The following WDFY3 variants were observed in gnomAD, a reference collection of about 807,000 sequenced individuals.
The protein encoded by WDFY3 is WD repeat and FYVE domain-containing protein 3.
A neutral mutation model predicts 409.6 loss-of-function variants in WDFY3; 66 were observed. The observed-to-expected ratio is 0.16, with a 90% CI of 0.13 to 0.20. The LOEUF (loss-of-function observed/expected upper bound fraction) is 0.20. WDFY3 is among the 10% of genes least tolerant of loss of function. WDFY3 has a pLI of 1.00. For missense variants in WDFY3, 3,031 were observed against 4,298.1 expected, an observed-to-expected ratio of 0.71 and a Z score of 8.24; for synonymous variants, 1,521 against 1,537.1, an observed-to-expected ratio of 0.99 and a Z score of 0.25.
At chr4:84,802,671 A>G (rs1404079280) in intron 16 of WDFY3, among the ~76,000 whole-genome samples, 2 of 152,132 alleles carry the variant, frequency 1.3e-5, no homozygotes, top group Non-Finnish European at 2.9e-5. Flanking sequence ...TTAGGCAAAC[A>G]TGTCCTATTT....
chr4:84,841,515 A>G lies in WDFY3; in HGVS notation c.305-252T>C, dbSNP rs147710577. On this transcript the variant is annotated intron_variant, in intron 5 of 67. Coordinates refer to ENST00000295888, the MANE Select transcript of WDFY3 (RefSeq NM_014991.6). ...GACAGGAGCTAATCAAAAAGTCATG[A>G]AAGAGGTGAAATTTGAGCTAAAACT... Among the ~76,000 whole-genome samples, 995 of 152,308 alleles carry G rather than the reference A, an allele frequency of 6.5e-3. 8 individuals carry two copies. The highest frequency in any genetic ancestry group is 0.023 in the African/African-American group (936 of 41,550).
chr4:84,807,802 T>G (rs1022343060), intron 15 of WDFY3, among the ~76,000 whole-genome samples: 1 of 152,140 alleles, frequency 6.6e-6, no homozygotes, highest in Non-Finnish European at 1.5e-5. Flanking sequence ...TTTACTAACT[T>G]TTTCAAAGCT....
At chr4:84,734,422 T>C (rs911293049) in intron 43 of WDFY3, among the ~76,000 whole-genome samples, 2 of 152,212 alleles carry the variant, frequency 1.3e-5, no homozygotes, top group Non-Finnish European at 2.9e-5. Flanking sequence ...ATATGTTCTT[T>C]GGTTGGGGAA....
At chr4:84,830,029 TAAAG>T (rs1755470903) in intron 8 of WDFY3, among the ~76,000 whole-genome samples, 1 of 152,116 alleles carries the variant, frequency 6.6e-6, no homozygotes, top group Non-Finnish European at 1.5e-5. Context: ...TGTATTTGTA[TAAAG>T]AAACTCACTG....
At chr4:84,809,170 T>G (rs1461656240) in intron 14 of WDFY3, 1 of 152,202 alleles carries the variant, frequency 6.6e-6, no homozygotes, top group Non-Finnish European at 1.5e-5. Context: ...AAATAAGTGA[T>G]CTAGATGAAG....
chr4:84,960,122 T>A (rs1420502206), intron 1 of WDFY3, among the ~76,000 whole-genome samples: 1 of 152,184 alleles, frequency 6.6e-6, no homozygotes, highest in East Asian at 1.9e-4. Flanking sequence ...TGAGATTGGG[T>A]AGGGGCAATA....
chr4:84,816,914 CTTAAT>C (rs1380079053), intron 13 of WDFY3, among the ~76,000 whole-genome samples: 1 of 152,052 alleles, frequency 6.6e-6, no homozygotes, highest in Non-Finnish European at 1.5e-5. Context: ...CAGGGTGCTA[CTTAAT>C]TTATAGTATT....
At chr4:84,716,731 G>A (rs1476563445) in intron 49 of WDFY3, among the ~76,000 whole-genome samples, 165 bp downstream of exon 49, 1 of 151,784 alleles carries the variant, frequency 6.6e-6, no homozygotes, top group African/African-American at 2.4e-5. Flanking sequence ...CCCGGGAGGC[G>A]GAGGTTGCAG....
intron 16 of WDFY3, among the ~76,000 whole-genome samples, chr4:84,802,803 G>A (rs1750841063): frequency 6.6e-6 from 1 of 152,100 alleles, no homozygotes. Context: ...TCTTCTTAAT[G>A]GTGGGCAGAT....
intron 36 of WDFY3, chr4:84,751,239 C>T (rs1032165222): frequency 4.7e-5 from 25 of 537,216 alleles, no homozygotes; most frequent in African/African-American, 3.0e-4. Flanking sequence ...AGAAGAAGTT[C>T]GCCAGCTCTT....
intron 3 of WDFY3, among the ~76,000 whole-genome samples, chr4:84,862,397 G>T (rs896868121): frequency 6.6e-6 from 1 of 152,178 alleles, no homozygotes; most frequent in Non-Finnish European, 1.5e-5. Flanking sequence ...CAAAATAACA[G>T]AAGTTAGTCC....
In WDFY3 at chr4:84,672,035, C is replaced by T. The variant is rs1725508270; in HGVS notation, c.*833G>A. On this transcript the variant is annotated 3_prime_UTR_variant, in exon 68 of 68. Transcript: ENST00000295888. ...AGGTATTCTTTGACCAAACAGCAGTCCACATACAAGTTTAAAAGGGGCCCT... is the reference window on the plus strand; with the variant it reads ...AGGTATTCTTTGACCAAACAGCAGTTCACATACAAGTTTAAAAGGGGCCCT... 6.6e-6 allele frequency: 1 copy of T among 152,198 alleles called. No individual in the cohort carries two copies. Among genetic ancestry groups the T allele is most frequent in the Admixed American group, 6.5e-5 (1 of 15,280 alleles). 9.4% of individuals were successfully genotyped at this position (152,198 alleles called of 1,614,324 possible).
chr4:84,762,473 G>C, intron 32 of WDFY3, among the ~76,000 whole-genome samples: 1 of 115,310 alleles, frequency 8.7e-6, no homozygotes, highest in Non-Finnish European at 1.7e-5. Flanking sequence ...TGGGGTGGGG[G>C]GAGGGGGGAG....
At chr4:84,937,897 G>T (rs527931062) in intron 1 of WDFY3, among the ~76,000 whole-genome samples, 21 of 152,130 alleles carry the variant, frequency 1.4e-4, no homozygotes, top group African/African-American at 5.1e-4. Context: ...ATCTGTGTGG[G>T]TTGGGGGTTG....
chr4:84,750,552 G>A (rs964654025), intron 36 of WDFY3, among the ~76,000 whole-genome samples: 1 of 152,096 alleles, frequency 6.6e-6, no homozygotes, highest in Non-Finnish European at 1.5e-5. Context: ...CTTCTCCACA[G>A]ATTTACTCTT....
chr4:84,819,759 TAAAGA>T (rs1454524406), intron 12 of WDFY3, among the ~76,000 whole-genome samples: 1 of 152,076 alleles, frequency 6.6e-6, no homozygotes, highest in Non-Finnish European at 1.5e-5. Context: ...AATCACTGTG[TAAAGA>T]AAATATTTTA....
intron 21 of WDFY3, 78 bp from the exon 22 acceptor site, chr4:84,789,985 G>T: frequency 7.0e-7 from 1 of 1,438,148 alleles, no homozygotes; most frequent in African/African-American, 1.4e-5. Flanking sequence ...AGATCAGCAT[G>T]TTTTGACTTT....
chr4:84,864,113 TC>T (rs1761040617), intron 3 of WDFY3, among the ~76,000 whole-genome samples: 1 of 152,126 alleles, frequency 6.6e-6, no homozygotes, highest in Non-Finnish European at 1.5e-5. Flanking sequence ...ATGCCTGTAA[TC>T]CCAGCATTTT....
chr4:84,684,162 C>G, intron 62 of WDFY3, 37 bp from the exon 63 acceptor site: 3 of 1,482,400 alleles, frequency 2.0e-6, no homozygotes, highest in Non-Finnish European at 2.7e-6. Context: ...CTCTTTGCTC[C>G]CTTCCAATTA....
Sources: gnomAD v4.1 joint callset for allele counts (sites outside exome capture counted in the v4.1 genomes callset) on GRCh38, gnomAD v4.1.1 for gene constraint, MANE v1.5 for transcripts, NCBI Gene and HGNC (gene_info 2026-07-23, HGNC 2026-07-21) for gene names.